The following PXYLP1 variants were observed in gnomAD, a reference collection of about 807,000 sequenced individuals.
The protein encoded by PXYLP1 is 2-phosphoxylose phosphatase 1.
PXYLP1 carries 17 observed loss-of-function variants against 37.9 expected under a neutral mutation model. The ratio of observed to expected loss-of-function variants is 0.45; its 90% CI spans 0.31 to 0.67. The LOEUF is 0.67. PXYLP1 is among the 30% of genes least tolerant of loss of function. The probability of loss-of-function intolerance (pLI) is 0.07; values close to 1 mark genes in which losing one functional copy is unlikely to be tolerated. For synonymous variants in PXYLP1, 221 were observed against 232.2 expected, an observed-to-expected ratio of 0.95 and a Z score of 0.44; for missense variants, 511 against 612.0, an observed-to-expected ratio of 0.84 and a Z score of 1.74.
At chr3:141,284,482 T>C in intron 4 of PXYLP1, among the ~76,000 whole-genome samples, 1 of 152,224 alleles carries the variant, frequency 6.6e-6, no homozygotes, top group East Asian at 1.9e-4. Flanking sequence ...TAGATTTTAG[T>C]GTACGACTAG....
At chr3:141,232,930 G>A (rs915267003) in intron 1 of PXYLP1, among the ~76,000 whole-genome samples, 2 of 152,172 alleles carry the variant, frequency 1.3e-5, no homozygotes, top group African/African-American at 2.4e-5. Context: ...AAAATCAGGA[G>A]AGATGGGGAA....
At chr3:141,259,933 G>T (rs1031860274) in intron 1 of PXYLP1, among the ~76,000 whole-genome samples, 190 bp from the exon 2 acceptor site, 1 of 152,156 alleles carries the variant, frequency 6.6e-6, no homozygotes, top group Non-Finnish European at 1.5e-5. Flanking sequence ...GAGCATTCTC[G>T]CTTGGGCTTA....
At chr3:141,250,955 G>A (rs746406523) in intron 1 of PXYLP1, among the ~76,000 whole-genome samples, 8 of 152,168 alleles carry the variant, frequency 5.3e-5, no homozygotes, top group Non-Finnish European at 1.0e-4. Flanking sequence ...AAAGAACAAA[G>A]GTGACCACAA....
chr3:141,274,294 C>T (rs539555867), intron 2 of PXYLP1: 6 of 1,348,558 alleles, frequency 4.4e-6, no homozygotes, highest in African/African-American at 2.9e-5. Flanking sequence ...CCCTTCCCAG[C>T]CTTCCTCCTG....
At chr3:141,270,949 A>G (rs962010871) in intron 2 of PXYLP1, among the ~76,000 whole-genome samples, 1 of 152,160 alleles carries the variant, frequency 6.6e-6, no homozygotes, top group Non-Finnish European at 1.5e-5. Context: ...GGAATGCAGT[A>G]GTGTGATCAG....
chr3:141,243,586 C>T (rs539518400), intron 1 of PXYLP1, among the ~76,000 whole-genome samples: 10 of 152,352 alleles, frequency 6.6e-5, no homozygotes, highest in South Asian at 2.1e-4. Flanking sequence ...GCACAGTTTC[C>T]GCCTCTTTCA....
intron 2 of PXYLP1, chr3:141,262,573 C>T: frequency 7.6e-7 from 1 of 1,323,650 alleles, no homozygotes; most frequent in South Asian, 1.5e-5. Context: ...AAAGTACCTT[C>T]TGTTTTAGGA....
At chr3:141,272,198 C>T (rs1347694745) in intron 2 of PXYLP1, among the ~76,000 whole-genome samples, 2 of 152,096 alleles carry the variant, frequency 1.3e-5, no homozygotes, top group Non-Finnish European at 2.9e-5. Context: ...CAGAGTAACT[C>T]CCAGATAATG....
chr3:141,233,205 C>T (rs1012282626), intron 1 of PXYLP1, among the ~76,000 whole-genome samples: 1 of 152,124 alleles, frequency 6.6e-6, no homozygotes, highest in African/African-American at 2.4e-5. Context: ...CGGTGGCTCA[C>T]GCCTGTAATC....
intron 1 of PXYLP1, among the ~76,000 whole-genome samples, chr3:141,256,984 G>A (rs1416385774): frequency 2.0e-5 from 3 of 152,196 alleles, no homozygotes; most frequent in Admixed American, 6.5e-5. Flanking sequence ...GCAGTTACAC[G>A]ATCCCAGCCA....
At chr3:141,281,275 C>T (rs1299177073) in intron 4 of PXYLP1, among the ~76,000 whole-genome samples, 6 of 152,160 alleles carry the variant, frequency 3.9e-5, no homozygotes, top group Non-Finnish European at 7.3e-5. Flanking sequence ...GGGGACAGAG[C>T]GTTCCCTATG....
intron 2 of PXYLP1, chr3:141,273,392 T>C (rs931106522): frequency 1.1e-5 from 11 of 985,476 alleles, no homozygotes; most frequent in Non-Finnish European, 1.2e-5. Flanking sequence ...TAGGTTGAGA[T>C]CCAAAGCTGG....
chr3:141,278,485 G>C lies in PXYLP1; in HGVS notation c.223G>C (p.Glu75Gln). Residue 75 changes from glutamate (E) to glutamine (Q), a missense_variant, in exon 3 of 6, where the codon GAG becomes CAG. Glu to Gln is a conservative substitution (Grantham distance 29, BLOSUM62 2). Coordinates refer to ENST00000286353, the MANE Select transcript of PXYLP1 (RefSeq NM_001037172.3). ...LLYCNIPSVA[E>Q]RSMEGHAPHH... ...GTACTGCAACATCCCCAGCGTGGCC[G>C]AGCGCAGCATGGAAGGTAGGCCTGA... The C allele has an allele frequency of 1.9e-6, 3 of 1,614,178 alleles. No homozygotes were observed. The highest frequency in any genetic ancestry group is 2.5e-6 in the Non-Finnish European group (3 of 1,180,030).
intron 2 of PXYLP1, among the ~76,000 whole-genome samples, chr3:141,277,650 GTGAT>G (rs1189024195): frequency 7.9e-5 from 12 of 152,368 alleles, no homozygotes; most frequent in Admixed American, 3.9e-4. Flanking sequence ...TGGGGACACT[GTGAT>G]TGACAGTCCA....
intron 2 of PXYLP1, chr3:141,273,254 A>T: frequency 1.0e-6 from 1 of 985,462 alleles, no homozygotes; most frequent in Non-Finnish European, 1.2e-6. Context: ...GGATGGCCAG[A>T]TGGACAAATG....
At chr3:141,237,995 T>G (rs1940701416) in intron 1 of PXYLP1, among the ~76,000 whole-genome samples, 1 of 152,180 alleles carries the variant, frequency 6.6e-6, no homozygotes, top group East Asian at 1.9e-4. Context: ...AGTCACCTGG[T>G]TTTGCCAACA....
chr3:141,286,170 A>G (rs928574938), intron 4 of PXYLP1, among the ~76,000 whole-genome samples: 2 of 152,202 alleles, frequency 1.3e-5, no homozygotes, highest in African/African-American at 4.8e-5. Flanking sequence ...ATATACATTC[A>G]TAGGCTACTT....
intron 2 of PXYLP1, among the ~76,000 whole-genome samples, chr3:141,268,006 G>A (rs914442488): frequency 4.6e-5 from 7 of 152,058 alleles, no homozygotes; most frequent in African/African-American, 1.7e-4. Context: ...GATGTTTACT[G>A]CAGCATCATT....
intron 2 of PXYLP1, among the ~76,000 whole-genome samples, chr3:141,260,966 C>T (rs527406932): frequency 6.6e-6 from 1 of 152,346 alleles, no homozygotes; most frequent in East Asian, 1.9e-4. Flanking sequence ...GTGCTCAGAT[C>T]CTGGTGCTCC....
Sources: allele counts gnomAD v4.1 joint callset (sites outside exome capture counted in the v4.1 genomes callset), GRCh38; gene constraint gnomAD v4.1.1; transcripts MANE v1.5; gene names NCBI Gene and HGNC (gene_info 2026-07-23, HGNC 2026-07-21).